The following ARNT2 variants were observed in gnomAD, a reference collection of about 807,000 sequenced individuals.
ARNT2 encodes aryl hydrocarbon receptor nuclear translocator 2.
Under a neutral mutation model 91.7 loss-of-function variants are expected in ARNT2, and 36 were observed. The observed-to-expected ratio is 0.39, with a 90% CI of 0.30 to 0.52. The LOEUF (loss-of-function observed/expected upper bound fraction) is 0.52. ARNT2 is among the 20% of genes least tolerant of loss of function. The pLI is 0.72. For synonymous variants in ARNT2, 365 were observed against 347.1 expected, an observed-to-expected ratio of 1.05 and a Z score of -0.57; for missense variants, 775 against 939.3, an observed-to-expected ratio of 0.83 and a Z score of 2.29.
At chr15:80,567,569 T>G in intron 12 of ARNT2, among the ~76,000 whole-genome samples, 1 of 151,830 alleles carries the variant, frequency 6.6e-6, no homozygotes, top group African/African-American at 2.4e-5. Context: ...TGCAGTGGGG[T>G]TTGCAAGAAA....
At chr15:80,463,270 C>T (rs1000428901) in intron 3 of ARNT2, among the ~76,000 whole-genome samples, 1 of 152,132 alleles carries the variant, frequency 6.6e-6, no homozygotes, top group Non-Finnish European at 1.5e-5. Context: ...TGGATGGGTA[C>T]GTGAGGTCCT....
intron 17 of ARNT2, among the ~76,000 whole-genome samples, chr15:80,589,293 C>A (rs1312120185): frequency 2.0e-5 from 3 of 151,042 alleles, no homozygotes. Flanking sequence ...TGGATGGGGC[C>A]TGGCAGTAGA....
intron 3 of ARNT2, among the ~76,000 whole-genome samples, chr15:80,466,865 C>G (rs745712583): frequency 6.6e-6 from 1 of 152,240 alleles, no homozygotes; most frequent in Non-Finnish European, 1.5e-5. Context: ...AGCAGTTGCC[C>G]TAAGGCCATC....
intron 3 of ARNT2, among the ~76,000 whole-genome samples, chr15:80,466,842 C>T (rs1896662234): frequency 1.3e-5 from 2 of 152,208 alleles, no homozygotes; most frequent in Admixed American, 1.3e-4. Flanking sequence ...GCAATAAATA[C>T]AATCAGTTTT....
chr15:80,470,527 G>A, intron 4 of ARNT2, 96 bp downstream of exon 4: 2 of 1,344,316 alleles, frequency 1.5e-6, no homozygotes, highest in South Asian at 1.4e-5. Context: ...TCAAGGTTGA[G>A]GAAGGAATGA....
Position 80,554,925 on chromosome 15 carries a change from A to G in ARNT2, c.1090-140A>G, listed in dbSNP as rs143423418. ...CGGCTCCCAGGGAAATTTTGCACTCACTTTTTCAAAAAATCTGGGGTGGGA... is the reference window on the plus strand; with the variant it reads ...CGGCTCCCAGGGAAATTTTGCACTCGCTTTTTCAAAAAATCTGGGGTGGGA... On this transcript the variant is annotated intron_variant, in intron 10 of 18. Transcript: ENST00000303329. The G allele has an allele frequency of 1.9e-3, 1,608 of 839,862 alleles. 28 individuals are homozygous for G. The African/African-American group carries it at 0.022, about 12-fold the overall frequency. The allele number at this position is 839,862 out of a possible 1,614,324, so 52.0% of individuals were successfully genotyped here.
intron 11 of ARNT2, among the ~76,000 whole-genome samples, chr15:80,559,146 T>C (rs572179661): frequency 2.6e-5 from 4 of 152,326 alleles, no homozygotes; most frequent in Admixed American, 2.6e-4. Flanking sequence ...CAACAGCACA[T>C]CCAAGGCTTC....
At chr15:80,565,545 T>A (rs551125645) in intron 12 of ARNT2, among the ~76,000 whole-genome samples, 1 of 151,902 alleles carries the variant, frequency 6.6e-6, no homozygotes, top group South Asian at 2.1e-4. Context: ...ATTGTTTTTT[T>A]TTTTTTACTT....
At chr15:80,514,275 T>A in intron 7 of ARNT2, 45 bp from the exon 8 acceptor site, 1 of 1,597,364 alleles carries the variant, frequency 6.3e-7, no homozygotes, top group Non-Finnish European at 8.6e-7. Context: ...CATCCTTGCC[T>A]CACCCTCATG....
intron 12 of ARNT2, among the ~76,000 whole-genome samples, chr15:80,570,418 G>A (rs997874969): frequency 7.9e-5 from 12 of 152,160 alleles, no homozygotes; most frequent in Non-Finnish European, 1.0e-4. Context: ...GGAAGGTGAC[G>A]GTGCCCCCAA....
At chr15:80,484,909 G>C (rs922630622) in intron 5 of ARNT2, among the ~76,000 whole-genome samples, 4 of 152,164 alleles carry the variant, frequency 2.6e-5, no homozygotes, top group African/African-American at 9.7e-5. Flanking sequence ...ACAGTCCATG[G>C]CCTTTACCTT....
intron 4 of ARNT2, 121 bp downstream of exon 4, chr15:80,470,552 G>A: frequency 8.7e-7 from 1 of 1,152,520 alleles, no homozygotes; most frequent in Non-Finnish European, 1.2e-6. Context: ...AACATGTTTT[G>A]TTTCCATTTT....
At position 80,574,220 on chromosome 15, in the gene ARNT2, G is replaced by A. The variant is rs756366311; in HGVS notation, c.1389G>A (p.Gln463=). ...GATTGTCATCGTATGACTTATCCCAGGTGAGTTTCTGGAAAACCCTTTCCC... is the reference window on the plus strand; with the variant it reads ...GATTGTCATCGTATGACTTATCCCAAGTGAGTTTCTGGAAAACCCTTTCCC... ...RDGLSSYDLS[Q]VPVPNLPAGV... Residue 463 remains glutamine, a splice_region_variant and synonymous_variant, in exon 13 of 19, where the codon CAG becomes CAA. Coordinates refer to ENST00000303329, the MANE Select transcript of ARNT2 (RefSeq NM_014862.4). 1.2e-6 allele frequency: 2 copies of A among 1,613,948 alleles called. No individual in the cohort carries two copies. The highest frequency in any genetic ancestry group is 1.7e-5 in the Admixed American group (1 of 60,006).
chr15:80,506,802 G>T (rs1415475918), intron 5 of ARNT2, among the ~76,000 whole-genome samples: 2 of 152,220 alleles, frequency 1.3e-5, no homozygotes, highest in Non-Finnish European at 2.9e-5. Context: ...TGCCAACATG[G>T]GGTGGGGAGG....
At chr15:80,563,054 T>A in intron 11 of ARNT2, 34 bp from the exon 12 acceptor site, 7 of 1,613,604 alleles carry the variant, frequency 4.3e-6, no homozygotes, top group Non-Finnish European at 5.9e-6. Flanking sequence ...CCATCCTTCC[T>A]CCTGCTGACT....
chr15:80,433,599 T>G (rs1478827220), intron 1 of ARNT2, among the ~76,000 whole-genome samples: 1 of 152,012 alleles, frequency 6.6e-6, no homozygotes. Context: ...ACACCCAGCC[T>G]AGAAAAGGCA....
At chr15:80,408,001 C>G (rs1895625274) in intron 1 of ARNT2, among the ~76,000 whole-genome samples, 1 of 145,246 alleles carries the variant, frequency 6.9e-6, no homozygotes, top group Non-Finnish European at 1.6e-5. Flanking sequence ...TAATAAGGCT[C>G]ATATGTTTTA....
At chr15:80,506,226 G>T (rs140366225) in intron 5 of ARNT2, among the ~76,000 whole-genome samples, 2 of 152,164 alleles carry the variant, frequency 1.3e-5, no homozygotes, top group Non-Finnish European at 2.9e-5. Context: ...GTGAGCCACC[G>T]CGCCCGGCCC....
chr15:80,474,838 T>C (rs975707951), intron 4 of ARNT2, among the ~76,000 whole-genome samples, 172 bp from the exon 5 acceptor site: 4 of 152,328 alleles, frequency 2.6e-5, no homozygotes, highest in South Asian at 2.1e-4. Context: ...GGTGCAAGCT[T>C]TGTGCATTTT....
Sources: gnomAD v4.1 joint callset for allele counts (sites outside exome capture counted in the v4.1 genomes callset) on GRCh38, gnomAD v4.1.1 for gene constraint, MANE v1.5 for transcripts, NCBI Gene and HGNC (gene_info 2026-07-23, HGNC 2026-07-21) for gene names.